Variants in PHYHIPL observed in about 807,000 individuals in gnomAD.
The protein encoded by PHYHIPL is phytanoyl-CoA hydroxylase-interacting protein-like.
A neutral mutation model predicts 33.4 loss-of-function variants in PHYHIPL; 9 were observed. The ratio of observed to expected loss-of-function variants is 0.27; its 90% CI spans 0.16 to 0.47. The LOEUF is 0.47. Ranked by LOEUF, PHYHIPL falls within the 20% of genes least tolerant of loss-of-function variation. The probability of loss-of-function intolerance (pLI) is 0.99; values close to 1 mark genes in which losing one functional copy is unlikely to be tolerated. For synonymous variants in PHYHIPL, 153 were observed against 154.1 expected, an observed-to-expected ratio of 0.99 and a Z score of 0.05; for missense variants, 365 against 460.7, an observed-to-expected ratio of 0.79 and a Z score of 1.90.
intron 1 of PHYHIPL, among the ~76,000 whole-genome samples, chr10:59,177,955 A>C (rs1394857410): frequency 2.0e-5 from 3 of 152,220 alleles, no homozygotes; most frequent in Admixed American, 2.0e-4. Flanking sequence ...ATTAATGTTT[A>C]ACTGTATATA....
Position 59,245,045 on chromosome 10 carries a change from TTTCTC to T in PHYHIPL, c.597-9_597-5del. On this transcript the variant is annotated splice_region_variant and splice_polypyrimidine_tract_variant and intron_variant, in intron 4 of 4. Transcript: ENST00000373880. The stretch of plus-strand genomic sequence containing the variant: ...ATTGTATTAAGCAGTGACCACTTGT[TTTCTC>T]TTGCAGAGAACATCATGGGAATGCT... 6.3e-7 allele frequency: 1 copy of T among 1,591,154 alleles called. No individual in the cohort carries two copies. The highest frequency in any genetic ancestry group is 8.5e-7 in the Non-Finnish European group (1 of 1,171,326).
At chr10:59,205,673 GA>G (rs1036178047) in intron 1 of PHYHIPL, among the ~76,000 whole-genome samples, 3 of 152,148 alleles carry the variant, frequency 2.0e-5, no homozygotes, top group Non-Finnish European at 4.4e-5. Context: ...AGAAAAAGCA[GA>G]AAAAGCTTTT....
chr10:59,180,946 T>C (rs1838399520), intron 1 of PHYHIPL, among the ~76,000 whole-genome samples: 1 of 152,168 alleles, frequency 6.6e-6, no homozygotes, highest in Admixed American at 6.5e-5. Flanking sequence ...ATTACAAGAA[T>C]GTAAGGTAGT....
At position 59,236,581 on chromosome 10, in the gene PHYHIPL, G is replaced by A. The variant is rs150191622; in HGVS notation, c.402G>A (p.Val134=). Residue 134 remains valine (V), a synonymous_variant, in exon 3 of 5, where the codon GTG becomes GTA. Transcript: ENST00000373880. Reference sequence around the variant, plus strand: ...CAAGAACTGAATATACAGTAGCAGTGCAGACTGCCTCAAAACAAGTTGATG... The same window carrying A: ...CAAGAACTGAATATACAGTAGCAGTACAGACTGCCTCAAAACAAGTTGATG... ...LSPRTEYTVA[V]QTASKQVDGD... The A allele has an allele frequency of 9.4e-5, 152 of 1,610,774 alleles. 2 individuals are homozygous for A. In the African/African-American group the frequency reaches 1.5e-3, roughly 16 times the overall value.
chr10:59,183,618 A>G (rs1377652488), intron 1 of PHYHIPL: 6 of 981,804 alleles, frequency 6.1e-6, no homozygotes, highest in Non-Finnish European at 7.3e-6. Context: ...TAAATCTACA[A>G]CCAGGTTTGT....
rs1840618134 is a variant in PHYHIPL, at chr10:59,245,357, C to T, written c.897C>T (p.Arg299=). Residue 299 remains arginine, a synonymous_variant, in exon 5 of 5, where the codon CGC becomes CGT. Transcript: ENST00000373880. ...GSPGDEFCKQ[R]LPQLNSKDNK... is the part of the protein sequence containing the mutation. ...CAGGAGATGAATTTTGTAAGCAGCG[C>T]CTTCCTCAACTAAATTCTAAGGATA... 2 of 1,614,130 alleles carry T rather than the reference C, an allele frequency of 1.2e-6. No homozygotes were observed. The highest frequency in any genetic ancestry group is 1.6e-4 in the Middle Eastern group (1 of 6,062).
chr10:59,238,528 T>C, intron 3 of PHYHIPL, 60 bp from the exon 4 acceptor site: 3 of 903,644 alleles, frequency 3.3e-6, no homozygotes, highest in Non-Finnish European at 5.5e-6. Context: ...ATTTATTAAG[T>C]ATATGGTTGG....
intron 1 of PHYHIPL, among the ~76,000 whole-genome samples, chr10:59,214,036 A>G (rs1161435651): frequency 6.6e-6 from 1 of 152,126 alleles, no homozygotes; most frequent in Admixed American, 6.6e-5. Context: ...ATGGGGGGAA[A>G]GATGGATTAT....
rs1840642509 is a variant in PHYHIPL, at chr10:59,245,773, C to T, written c.*182C>T. ...CATTTTAGTGTTTTCCTATTCCCTA[C>T]CCCTCCCACTACTTTCAATGATGAA... On this transcript the variant is annotated 3_prime_UTR_variant, in exon 5 of 5. Transcript: ENST00000373880. The T allele has an allele frequency of 3.3e-6, 2 of 599,022 alleles. No individual in the cohort carries two copies. Among genetic ancestry groups the T allele is most frequent in the Non-Finnish European group, 5.6e-6 (2 of 356,902 alleles). 37.1% of individuals were successfully genotyped at this position (599,022 alleles called of 1,614,324 possible).
intron 4 of PHYHIPL, among the ~76,000 whole-genome samples, chr10:59,241,735 G>A (rs1046258650): frequency 1.3e-5 from 2 of 152,082 alleles, no homozygotes; most frequent in Non-Finnish European, 2.9e-5. Context: ...TTTTGAACAG[G>A]GACAAGATGG....
chr10:59,233,382 G>T lies in PHYHIPL; in HGVS notation c.107-922G>T, dbSNP rs117142669. Among the ~76,000 whole-genome samples, 45 of 151,942 alleles carry T rather than the reference G, an allele frequency of 3.0e-4. No homozygotes were observed. In the East Asian group the frequency reaches 8.7e-3, roughly 29 times the overall value. On this transcript the variant is annotated intron_variant, in intron 1 of 4. Transcript: ENST00000373880. ...AACATTTTATTATGTTAAGGAACGA[G>T]TTAAGTAATTGATTTATGGCCTAAC... is the stretch of plus-strand genomic sequence containing the variant.
At chr10:59,191,591 A>G (rs1281200069) in intron 1 of PHYHIPL, among the ~76,000 whole-genome samples, 1 of 151,958 alleles carries the variant, frequency 6.6e-6, no homozygotes, top group Non-Finnish European at 1.5e-5. Flanking sequence ...TATCACTACA[A>G]TGTAAGTCTT....
At chr10:59,233,586 T>G (rs1840139667) in intron 1 of PHYHIPL, among the ~76,000 whole-genome samples, 1 of 151,796 alleles carries the variant, frequency 6.6e-6, no homozygotes, top group Admixed American at 6.6e-5. Context: ...ATCCATCAAA[T>G]CCTGCTCTAT....
intron 1 of PHYHIPL, among the ~76,000 whole-genome samples, chr10:59,201,665 G>A (rs1464831756): frequency 6.6e-6 from 1 of 152,026 alleles, no homozygotes; most frequent in African/African-American, 2.4e-5. Context: ...TCCTAATGTG[G>A]TATGATGATT....
In PHYHIPL at chr10:59,214,619, A is replaced by G. The variant is rs187420774; in HGVS notation, c.107-19685A>G. On this transcript the variant is annotated intron_variant, in intron 1 of 4. Transcript: ENST00000373880. Reference sequence around the variant, plus strand: ...GTCATTCCTGCTCCGTTTGAGAACCAGTCATGGGAGAAAGGAAATATAAAT... The same window carrying G: ...GTCATTCCTGCTCCGTTTGAGAACCGGTCATGGGAGAAAGGAAATATAAAT... Among the ~76,000 whole-genome samples, 358 of 152,234 alleles carry G rather than the reference A, an allele frequency of 2.4e-3. 6 individuals carry two copies. Among genetic ancestry groups the G allele is most frequent in the Admixed American group, 0.021 (318 of 15,270 alleles).
At chr10:59,215,368 A>G (rs1839586637) in intron 1 of PHYHIPL, among the ~76,000 whole-genome samples, 1 of 152,080 alleles carries the variant, frequency 6.6e-6, no homozygotes, top group Non-Finnish European at 1.5e-5. Context: ...ATGAGACTTT[A>G]TGAATCAAAT....
At chr10:59,213,923 C>T (rs1458541702) in intron 1 of PHYHIPL, among the ~76,000 whole-genome samples, 1 of 152,052 alleles carries the variant, frequency 6.6e-6, no homozygotes, top group East Asian at 1.9e-4. Flanking sequence ...GTGGCATTGT[C>T]AGTGGATACT....
chr10:59,225,927 G>A (rs1839910377), intron 1 of PHYHIPL, among the ~76,000 whole-genome samples: 1 of 152,006 alleles, frequency 6.6e-6, no homozygotes, highest in South Asian at 2.1e-4. Flanking sequence ...AAAACAAAAT[G>A]AGACCTATCT....
At chr10:59,177,623 G>A (rs780077832) in intron 1 of PHYHIPL, 3 of 1,551,434 alleles carry the variant, frequency 1.9e-6, no homozygotes, top group African/African-American at 1.4e-5. Flanking sequence ...TGGCGAGTAC[G>A]TACCATTGCG....
Sources: gnomAD v4.1 joint callset for allele counts (sites outside exome capture counted in the v4.1 genomes callset) on GRCh38, gnomAD v4.1.1 for gene constraint, MANE v1.5 for transcripts, NCBI Gene and HGNC (gene_info 2026-07-23, HGNC 2026-07-21) for gene names.